The following DHX37 variants were observed in gnomAD, a reference collection of about 807,000 sequenced individuals.
DHX37 encodes the protein probable ATP-dependent RNA helicase DHX37.
DHX37 carries 52 observed loss-of-function variants against 134.3 expected under a neutral mutation model. The observed-to-expected ratio is 0.39, with a 90% CI of 0.31 to 0.49. The LOEUF (loss-of-function observed/expected upper bound fraction) is 0.49, where lower values mean the gene tolerates loss of function less well. Ranked by LOEUF, DHX37 falls within the 20% of genes least tolerant of loss-of-function variation. DHX37 has a pLI of 0.93. For missense variants in DHX37, 1,344 were observed against 1,580.8 expected (o/e 0.85, Z 2.54); for synonymous variants, 634 against 670.7 (o/e 0.95, Z 0.85).
At chr12:124,956,427 T>A (rs1265496103) in intron 18 of DHX37, among the ~76,000 whole-genome samples, 1 of 152,228 alleles carries the variant, frequency 6.6e-6, no homozygotes, top group Admixed American at 6.5e-5. Flanking sequence ...TATAAGTAAA[T>A]TTTGTTAAAT....
Position 124,947,735 on chromosome 12 carries a change from CG to C in DHX37, c.*66del. The C allele has an allele frequency of 6.7e-7, 1 of 1,496,214 alleles. No homozygotes were observed. Among genetic ancestry groups the C allele is most frequent in the Non-Finnish European group, 8.9e-7 (1 of 1,123,504 alleles). The allele number at this position is 1,496,214 out of a possible 1,614,324, so 92.7% of individuals were successfully genotyped here. ...CCCATGCCAGGTGGTCACGGTCGCACGGTGACAGGCTGCTGCCAGCCCTCCA... is the reference window on the plus strand; with the variant it reads ...CCCATGCCAGGTGGTCACGGTCGCACGTGACAGGCTGCTGCCAGCCCTCCA... On this transcript the variant is annotated 3_prime_UTR_variant, in exon 27 of 27. Transcript: ENST00000308736.
intron 13 of DHX37, 80 bp downstream of exon 13, chr12:124,965,588 C>T (rs7963864): frequency 0.035 from 50,886 of 1,465,994 alleles, 1,271 homozygotes; most frequent in African/African-American, 0.12. Context: ...CCCCGGCCCC[C>T]GGGGGGCCCA....
In DHX37 at chr12:124,968,963, G is replaced by A; in HGVS notation, c.1197C>T (p.Asn399=). The change falls in exon 9 of 27, where the codon AAC becomes AAT. Residue 399 remains asparagine, a synonymous_variant. Coordinates refer to ENST00000308736, the MANE Select transcript of DHX37 (RefSeq NM_032656.4). ...ACATGATGAGCAGCTTGAGTGGCAG[G>A]TTCCTCTGCAAAAGGACAGGCTCAG... ...SRIVTLRAKR[N]LPLKLLIMSA... 2 of 1,613,650 alleles carry A rather than the reference G, an allele frequency of 1.2e-6. No homozygotes were observed. Among genetic ancestry groups the A allele is most frequent in the Non-Finnish European group, 1.7e-6 (2 of 1,179,898 alleles).
At chr12:124,965,280 T>C (rs1954358572) in intron 13 of DHX37, among the ~76,000 whole-genome samples, 1 of 152,190 alleles carries the variant, frequency 6.6e-6, no homozygotes, top group African/African-American at 2.4e-5. Flanking sequence ...CCCGGGAGCC[T>C]GACTCCACTC....
intron 16 of DHX37, among the ~76,000 whole-genome samples, chr12:124,957,825 G>C (rs1288699391): frequency 1.3e-5 from 2 of 152,116 alleles, no homozygotes; most frequent in Non-Finnish European, 2.9e-5. Flanking sequence ...TATCACAATA[G>C]CCAAAAGATG....
At chr12:124,963,729 A>T (rs1954317627) in intron 15 of DHX37, among the ~76,000 whole-genome samples, 2 of 151,024 alleles carry the variant, frequency 1.3e-5, no homozygotes, top group Admixed American at 1.3e-4. Context: ...AAAAAAAAAA[A>T]ATTAGCCGGG....
At chr12:124,968,715 C>G in intron 9 of DHX37, 67 bp from the exon 10 acceptor site, 1 of 1,611,230 alleles carries the variant, frequency 6.2e-7, no homozygotes, top group Non-Finnish European at 8.5e-7. Flanking sequence ...GCTGCCTTCC[C>G]TTTCCCCATT....
intron 16 of DHX37, among the ~76,000 whole-genome samples, chr12:124,960,090 C>T (rs776678460): frequency 2.6e-5 from 4 of 152,216 alleles, no homozygotes; most frequent in Non-Finnish European, 5.9e-5. Context: ...CCTGCTGCCT[C>T]TATTCCAGAC....
intron 18 of DHX37, among the ~76,000 whole-genome samples, chr12:124,955,261 G>A (rs548229352): frequency 4.6e-5 from 7 of 152,316 alleles, no homozygotes; most frequent in South Asian, 2.1e-4. Flanking sequence ...GGCCACATCT[G>A]ATCCACTGAG....
At chr12:124,950,389 G>T (rs747387231) in intron 23 of DHX37, 24 bp downstream of exon 23, 2 of 1,597,496 alleles carry the variant, frequency 1.3e-6, no homozygotes, top group Non-Finnish European at 1.7e-6. Flanking sequence ...GGCTCAGGTT[G>T]CCCAGGACAC....
chr12:124,957,651 G>A (rs1016217387), intron 16 of DHX37, among the ~76,000 whole-genome samples: 11 of 152,152 alleles, frequency 7.2e-5, no homozygotes, highest in Non-Finnish European at 1.3e-4. Context: ...GCCGGGTGTG[G>A]TGGCGCTCGC....
rs767889410 is a variant in DHX37, at chr12:124,975,424, G to A, written c.975C>T (p.Ser325=). The A allele has an allele frequency of 6.2e-7, 1 of 1,612,954 alleles. No homozygotes were observed. The highest frequency in any genetic ancestry group is 1.7e-5 in the Admixed American group (1 of 60,016). Reference sequence around the variant, plus strand: ...CAGGGAAGTAGAGCCCTCACCGCTGGGACAGATTCATCTCCTTGGCCACTC... The same window carrying A: ...CAGGGAAGTAGAGCCCTCACCGCTGAGACAGATTCATCTCCTTGGCCACTC... ...SQRVAKEMNL[S]QRVVSYQIRY... Residue 325 remains serine, a synonymous_variant, in exon 6 of 27, where the codon TCC becomes TCT. Transcript: ENST00000308736.
chr12:124,982,282 C>T (rs1160402341), intron 3 of DHX37, among the ~76,000 whole-genome samples: 1 of 152,200 alleles, frequency 6.6e-6, no homozygotes, highest in Non-Finnish European at 1.5e-5. Context: ...AAAACACCGA[C>T]ATCACTGGAG....
chr12:124,949,198 C>T lies in DHX37; in HGVS notation c.3290+788G>A, dbSNP rs1365729185. 6.6e-6 allele frequency among the ~76,000 whole-genome samples: 1 copy of T among 152,206 alleles called. No individual in the cohort carries two copies. The highest frequency in any genetic ancestry group is 6.5e-5 in the Admixed American group (1 of 15,280). On this transcript the variant is annotated intron_variant, in intron 25 of 26. Transcript: ENST00000308736. This position sits in a 1 kb window ranked among gnomAD's most constrained non-coding sequence, Gnocchi z 4.0. ...AGAACATGCCTGGGACAGGGCCACA[C>T]TGGAAAACGTGAGCTGAGTGACTGA...
At chr12:124,985,745 T>A (rs551040715) in intron 2 of DHX37, among the ~76,000 whole-genome samples, 44 of 141,404 alleles carry the variant, frequency 3.1e-4, no homozygotes, top group South Asian at 7.0e-4. Flanking sequence ...AAAAAAAAAA[T>A]TTTTTTAAGG....
chr12:124,965,063 G>A (rs1026804654), intron 13 of DHX37, 57 bp from the exon 14 acceptor site: 1 of 1,550,620 alleles, frequency 6.4e-7, no homozygotes, highest in Non-Finnish European at 8.7e-7. Flanking sequence ...CCACAGGCAG[G>A]AGCTGGCCAC....
intron 5 of DHX37, 82 bp from the exon 6 acceptor site, chr12:124,975,593 T>G: frequency 6.8e-7 from 1 of 1,461,304 alleles, no homozygotes; most frequent in Non-Finnish European, 9.4e-7. Context: ...CACAGCAAGA[T>G]TTGCCATACT....
At chr12:124,958,795 T>C (rs1223234513) in intron 16 of DHX37, among the ~76,000 whole-genome samples, 1 of 151,438 alleles carries the variant, frequency 6.6e-6, no homozygotes, top group Admixed American at 6.6e-5. Flanking sequence ...CTGGCTAATT[T>C]TTATATTTTT....
At chr12:124,961,306 G>GCA (rs1227350147) in intron 15 of DHX37, among the ~76,000 whole-genome samples, 1 of 145,326 alleles carries the variant, frequency 6.9e-6, no homozygotes, top group East Asian at 2.0e-4. Context: ...GTGCACGCAC[G>GCA]CACACACACT....
Sources: gnomAD v4.1 joint callset for allele counts (sites outside exome capture counted in the v4.1 genomes callset) on GRCh38, gnomAD v4.1.1 for gene constraint, Gnocchi (gnomAD v3.1) non-coding constraint, MANE v1.5 for transcripts, NCBI Gene and HGNC (gene_info 2026-07-23, HGNC 2026-07-21) for gene names.